Variants in SHISA6 observed in about 807,000 individuals in gnomAD.
The protein encoded by SHISA6 is shisa family member 6, also known as protein shisa-6.
In SHISA6, 22 loss-of-function variants were observed where a neutral mutation model predicts 47.9. The ratio of observed to expected loss-of-function variants is 0.46; its 90% CI spans 0.33 to 0.66. SHISA6 has a LOEUF of 0.66. SHISA6 is among the 30% of genes least tolerant of loss of function. SHISA6 has a pLI of 0.02. For missense variants in SHISA6, 680 were observed against 764.6 expected (o/e 0.89, Z 1.30); for synonymous variants, 388 against 337.8 (o/e 1.15, Z -1.63).
At chr17:11,318,995 G>A (rs1910615642) in intron 2 of SHISA6, among the ~76,000 whole-genome samples, 1 of 150,662 alleles carries the variant, frequency 6.6e-6, no homozygotes, top group Non-Finnish European at 1.5e-5. Flanking sequence ...ACTTCAACCT[G>A]GTCTATTCTA....
At position 11,508,114 on chromosome 17, in the gene SHISA6, A is replaced by T. The variant is rs1350452456; in HGVS notation, c.896-43782A>T. ...CAAGGTTTTGGAGGCAGCAAGCTTG[A>T]TGCAGTGAGAAAACCCTGGACTGGA... On this transcript the variant is annotated intron_variant, in intron 3 of 5. Coordinates refer to ENST00000441885, the MANE Select transcript of SHISA6 (RefSeq NM_207386.4). Among the ~76,000 whole-genome samples, 4 of 152,384 alleles carry T rather than the reference A, an allele frequency of 2.6e-5. No individual in the cohort carries two copies. The East Asian group carries it at 7.7e-4, about 29-fold the overall frequency.
chr17:11,330,053 G>A (rs540738284), intron 2 of SHISA6, among the ~76,000 whole-genome samples: 69 of 152,092 alleles, frequency 4.5e-4, no homozygotes, highest in African/African-American at 1.5e-3. Flanking sequence ...AGTAGAATAT[G>A]GCCGCCAGCA....
At chr17:11,277,368 G>A (rs1908962884) in intron 2 of SHISA6, among the ~76,000 whole-genome samples, 1 of 150,864 alleles carries the variant, frequency 6.6e-6, no homozygotes, top group Non-Finnish European at 1.5e-5. Context: ...CTAGACCTGA[G>A]TGTAGCCATG....
intron 3 of SHISA6, among the ~76,000 whole-genome samples, chr17:11,451,870 G>A (rs190648600): frequency 3.3e-4 from 51 of 152,336 alleles, no homozygotes; most frequent in African/African-American, 1.2e-3. Context: ...CCATCGGTGA[G>A]GAAGATTGCA....
chr17:11,320,679 G>GAC (rs1567571877), intron 2 of SHISA6, among the ~76,000 whole-genome samples: 1 of 151,624 alleles, frequency 6.6e-6, no homozygotes, highest in East Asian at 1.9e-4. Flanking sequence ...AAGAGAGAGA[G>GAC]AGAGAGAGAG....
At chr17:11,424,471 A>G (rs1914549252) in intron 3 of SHISA6, among the ~76,000 whole-genome samples, 1 of 152,156 alleles carries the variant, frequency 6.6e-6, no homozygotes. Context: ...ATCAACATAA[A>G]TAAATCTCAA....
At chr17:11,466,623 A>T (rs1426950264) in intron 3 of SHISA6, among the ~76,000 whole-genome samples, 1 of 152,092 alleles carries the variant, frequency 6.6e-6, no homozygotes, top group Non-Finnish European at 1.5e-5. Flanking sequence ...GATGTCCCTC[A>T]TCTCTAGACC....
chr17:11,535,613 AC>A (rs2071779835), intron 3 of SHISA6, among the ~76,000 whole-genome samples: 1 of 152,164 alleles, frequency 6.6e-6, no homozygotes, highest in South Asian at 2.1e-4. Flanking sequence ...CCCACTAGAA[AC>A]CCTGTCCAGC....
intron 3 of SHISA6, among the ~76,000 whole-genome samples, chr17:11,528,167 T>A (rs955057354): frequency 6.6e-6 from 1 of 152,204 alleles, no homozygotes; most frequent in Non-Finnish European, 1.5e-5. Flanking sequence ...AGCAGTTGTA[T>A]CCATTGTAAA....
At chr17:11,297,354 G>C (rs111922285) in intron 2 of SHISA6, among the ~76,000 whole-genome samples, 1 of 152,272 alleles carries the variant, frequency 6.6e-6, no homozygotes. Context: ...CCTCTGCAAT[G>C]AATAGCCCAA....
At chr17:11,531,187 G>A (rs969549830) in intron 3 of SHISA6, among the ~76,000 whole-genome samples, 2 of 151,074 alleles carry the variant, frequency 1.3e-5, no homozygotes, top group East Asian at 3.9e-4. Flanking sequence ...ACCCATAGCT[G>A]TGTGAGCTGG....
chr17:11,402,954 GA>G (rs1345670026), intron 3 of SHISA6, among the ~76,000 whole-genome samples: 1 of 152,180 alleles, frequency 6.6e-6, no homozygotes, highest in African/African-American at 2.4e-5. Flanking sequence ...GCTCTTCGTG[GA>G]ACCTTCTGCA....
rs543092137 is a variant in SHISA6 at position 11,263,156 on chromosome 17, T to C, written c.639-210T>C. ...AAAGAAAGAAACCGTAGTCCCAGCC[T>C]TTTAGTCTGTACCTCCAGGCATGGT... On this transcript the variant is annotated intron_variant, in intron 1 of 5. Coordinates refer to ENST00000441885, the MANE Select transcript of SHISA6 (RefSeq NM_207386.4). 2.6e-5 allele frequency among the ~76,000 whole-genome samples: 4 copies of C among 152,298 alleles called. No individual in the cohort carries two copies. The South Asian group carries it at 8.3e-4, about 32-fold the overall frequency.
rs191866907 is a variant in SHISA6, at chr17:11,522,178, G to A, written c.896-29718G>A. 6.1e-3 allele frequency among the ~76,000 whole-genome samples: 922 copies of A among 152,032 alleles called. 7 individuals carry two copies. The highest frequency in any genetic ancestry group is 0.021 in the African/African-American group (871 of 41,474). The stretch of plus-strand genomic sequence containing the variant: ...GACGGGGTTTCACCGTGTTAGCCAC[G>A]ATGGTCTCAATCTCCTGACCTAGTG... On this transcript the variant is annotated intron_variant, in intron 3 of 5. Coordinates refer to ENST00000441885, the MANE Select transcript of SHISA6 (RefSeq NM_207386.4).
Position 11,263,495 on chromosome 17 carries a change from C to CACTCCTGTGCGTACGGCCAAGCAG in SHISA6, c.774_797dup (p.Val259_Pro266dup). On this transcript the variant is annotated inframe_insertion, in exon 2 of 6. Transcript: ENST00000441885. ...TCAGATCGTCCTCCAAAAACCACTACACTCCTGTGCGTACGGCCAAGCAGA... is the reference window on the plus strand; with the variant it reads ...TCAGATCGTCCTCCAAAAACCACTACACTCCTGTGCGTACGGCCAAGCAGACTCCTGTGCGTACGGCCAAGCAGA... The CACTCCTGTGCGTACGGCCAAGCAG allele has an allele frequency of 6.4e-7, 1 of 1,551,752 alleles. No individual in the cohort carries two copies. Among genetic ancestry groups the CACTCCTGTGCGTACGGCCAAGCAG allele is most frequent in the Non-Finnish European group, 8.7e-7 (1 of 1,147,006 alleles).
intron 3 of SHISA6, among the ~76,000 whole-genome samples, chr17:11,509,513 A>G (rs1459442327): frequency 6.6e-6 from 1 of 152,148 alleles, no homozygotes; most frequent in African/African-American, 2.4e-5. Context: ...CAGCACGAAC[A>G]CTTTCCATGA....
chr17:11,450,075 C>T (rs1315922530), intron 3 of SHISA6, among the ~76,000 whole-genome samples: 1 of 152,004 alleles, frequency 6.6e-6, no homozygotes, highest in Non-Finnish European at 1.5e-5. Flanking sequence ...TTAGTAGAGA[C>T]GGAGTTTCAC....
chr17:11,264,017 G>A (rs1908338505), intron 2 of SHISA6, among the ~76,000 whole-genome samples: 1 of 152,162 alleles, frequency 6.6e-6, no homozygotes, highest in Non-Finnish European at 1.5e-5. Context: ...TTCCCTGGAT[G>A]TATGATGAGT....
At chr17:11,388,720 T>C (rs1046623076) in intron 3 of SHISA6, among the ~76,000 whole-genome samples, 3 of 139,754 alleles carry the variant, frequency 2.1e-5, no homozygotes, top group Non-Finnish European at 3.1e-5. Context: ...AATGATTGCA[T>C]CAGAAGTAAA....
Sources: gnomAD v4.1 joint callset for allele counts (sites outside exome capture counted in the v4.1 genomes callset) on GRCh38, gnomAD v4.1.1 for gene constraint, MANE v1.5 for transcripts, NCBI Gene and HGNC (gene_info 2026-07-23, HGNC 2026-07-21) for gene names.